TCP11: variants seen among roughly 807,000 people sequenced by gnomAD.
TCP11 encodes t-complex 11.
Under a neutral mutation model 45.0 loss-of-function variants are expected in TCP11, and 34 were observed. The ratio of observed to expected loss-of-function variants is 0.76; its 90% CI spans 0.57 to 1.01. The LOEUF is 1.01. TCP11 is among the 50% of genes least tolerant of loss of function. The pLI, the probability that TCP11 is intolerant of heterozygous loss-of-function variation, is 0.00. For synonymous variants in TCP11, 227 were observed against 227.0 expected (o/e 1.00, Z 0.00); for missense variants, 523 against 598.1 (o/e 0.87, Z 1.31).
In TCP11 at chr6:35,118,505, T is replaced by C. The variant is rs1778877341; in HGVS notation, c.1280-4A>G. 1 of 1,612,672 alleles carries C rather than the reference T, an allele frequency of 6.2e-7. No homozygotes were observed. Among genetic ancestry groups the C allele is most frequent in the Non-Finnish European group, 8.5e-7 (1 of 1,179,294 alleles). The stretch of plus-strand genomic sequence containing the variant: ...AGAAACAAATGGATCCGCTGATCTG[T>C]GAGCAGGAAAAGACACTGATAAGGG... On this transcript the variant is annotated splice_region_variant and splice_polypyrimidine_tract_variant and intron_variant, in intron 9 of 9. Transcript: ENST00000311875.
chr6:35,126,138 TATGA>T (rs1779797305), intron 4 of TCP11, among the ~76,000 whole-genome samples: 1 of 152,200 alleles, frequency 6.6e-6, no homozygotes, highest in Non-Finnish European at 1.5e-5. Context: ...TAAATTTTGT[TATGA>T]ATATTTTGCC....
At chr6:35,134,236 T>C (rs557741677) in intron 3 of TCP11, among the ~76,000 whole-genome samples, 4 of 151,052 alleles carry the variant, frequency 2.6e-5, no homozygotes, top group Non-Finnish European at 4.4e-5. Context: ...CAAAATGGCA[T>C]AGTATCGCAT....
intron 4 of TCP11, among the ~76,000 whole-genome samples, chr6:35,123,647 CT>C (rs1170800479): frequency 2.7e-5 from 3 of 112,172 alleles, no homozygotes. Flanking sequence ...GCTTAGTTTT[CT>C]TTCTTTTTTT....
chr6:35,133,758 C>T (rs1363478795), intron 3 of TCP11, among the ~76,000 whole-genome samples: 1 of 151,962 alleles, frequency 6.6e-6, no homozygotes, highest in African/African-American at 2.4e-5. Flanking sequence ...CCACTGCACA[C>T]CCCAGCTTGG....
chr6:35,132,874 AAC>A (rs78611526), intron 3 of TCP11, among the ~76,000 whole-genome samples: 2,142 of 152,290 alleles, frequency 0.014, 167 homozygotes, highest in Admixed American at 0.12. Flanking sequence ...CCCTGTGAGC[AAC>A]AAACATCTCT....
At chr6:35,129,303 G>T in intron 3 of TCP11, 121 bp from the exon 4 acceptor site, 1 of 1,263,506 alleles carries the variant, frequency 7.9e-7, no homozygotes, top group Non-Finnish European at 1.1e-6. Flanking sequence ...ACAGGGAAAG[G>T]CCAGGAACTA....
intron 5 of TCP11, among the ~76,000 whole-genome samples, 189 bp from the exon 6 acceptor site, chr6:35,121,234 G>A (rs1308999953): frequency 1.3e-5 from 2 of 152,128 alleles, no homozygotes; most frequent in African/African-American, 4.8e-5. Context: ...ATTGGGAACA[G>A]CTAAGTCTCT....
At chr6:35,124,945 G>GT (rs1581814297) in intron 4 of TCP11, among the ~76,000 whole-genome samples, 1 of 151,524 alleles carries the variant, frequency 6.6e-6, no homozygotes, top group African/African-American at 2.4e-5. Context: ...ACTTTGGGAG[G>GT]TCGAGGCAGG....
At chr6:35,139,543 T>C (rs994007259) in intron 2 of TCP11, among the ~76,000 whole-genome samples, 86 of 152,254 alleles carry the variant, frequency 5.6e-4, no homozygotes, top group African/African-American at 1.8e-3. Context: ...CACAATCAAA[T>C]ATGTAAACAG....
chr6:35,127,431 A>G (rs1162508250), intron 4 of TCP11, among the ~76,000 whole-genome samples: 3 of 152,232 alleles, frequency 2.0e-5, no homozygotes, highest in South Asian at 2.1e-4. Context: ...TGCACCAGAT[A>G]AAGAACCCCA....
chr6:35,126,611 T>C (rs1036193211), intron 4 of TCP11, among the ~76,000 whole-genome samples: 1 of 151,410 alleles, frequency 6.6e-6, no homozygotes, highest in Non-Finnish European at 1.5e-5. Flanking sequence ...AGGAAGGGAA[T>C]TGGTCTTACA....
chr6:35,127,400 G>A (rs1288499825), intron 4 of TCP11, among the ~76,000 whole-genome samples: 2 of 152,118 alleles, frequency 1.3e-5, no homozygotes, highest in Non-Finnish European at 2.9e-5. Flanking sequence ...CAGACTCTTT[G>A]GCAATGAAGG....
chr6:35,122,617 A>G (rs1445277366), intron 4 of TCP11, among the ~76,000 whole-genome samples: 2 of 152,222 alleles, frequency 1.3e-5, no homozygotes, highest in African/African-American at 2.4e-5. Context: ...CATACGGGGT[A>G]CAACAAATAT....
rs1417743383 is a variant in TCP11 at position 35,135,814 on chromosome 6, C to A, written c.236+293G>T. 3.3e-5 allele frequency among the ~76,000 whole-genome samples: 5 copies of A among 152,260 alleles called. No homozygotes were observed. In the East Asian group the frequency reaches 9.6e-4, roughly 29 times the overall value. ...TTTGGGGTAATTTGTTATGCAGCAG[C>A]AGATAGTACTACAGGCTGCTTCCTC... On this transcript the variant is annotated intron_variant, in intron 3 of 9. Transcript: ENST00000311875.
chr6:35,136,501 C>T (rs569176507), intron 2 of TCP11, among the ~76,000 whole-genome samples: 54 of 146,352 alleles, frequency 3.7e-4, no homozygotes, highest in South Asian at 1.6e-3. Context: ...AAAGTAAAAT[C>T]GTATTTATAG....
chr6:35,129,252 A>C, intron 3 of TCP11, 70 bp from the exon 4 acceptor site: 1 of 1,527,998 alleles, frequency 6.5e-7, no homozygotes, highest in East Asian at 2.4e-5. Context: ...AACCTCCTAA[A>C]CCCCAAACTG....
At chr6:35,140,913 G>A (rs749452443) in intron 1 of TCP11, 29 bp from the exon 2 acceptor site, 11 of 1,531,042 alleles carry the variant, frequency 7.2e-6, no homozygotes, top group Non-Finnish European at 7.9e-6. Flanking sequence ...CGTGTTGTTG[G>A]CGTCGGGGAA....
chr6:35,133,896 G>A (rs1267690729), intron 3 of TCP11, among the ~76,000 whole-genome samples: 1 of 152,056 alleles, frequency 6.6e-6, no homozygotes, highest in Non-Finnish European at 1.5e-5. Context: ...TTACCACAAT[G>A]TCAATATAAC....
chr6:35,139,396 T>C (rs754789602), intron 2 of TCP11, among the ~76,000 whole-genome samples: 3 of 152,202 alleles, frequency 2.0e-5, no homozygotes, highest in Non-Finnish European at 4.4e-5. Flanking sequence ...TTAAGGAGAT[T>C]GTAGACCTTT....
Sources: gnomAD v4.1 joint callset for allele counts (sites outside exome capture counted in the v4.1 genomes callset) on GRCh38, gnomAD v4.1.1 for gene constraint, MANE v1.5 for transcripts, NCBI Gene and HGNC (gene_info 2026-07-23, HGNC 2026-07-21) for gene names.